Variants in MBD5 observed in about 807,000 individuals in gnomAD.
The protein encoded by MBD5 is methyl-CpG binding domain protein 5.
A neutral mutation model predicts 117.3 loss-of-function variants in MBD5; 13 were observed. The observed-to-expected ratio is 0.11, with a 90% CI of 0.07 to 0.18. The LOEUF is 0.18. Ranked by LOEUF, MBD5 falls within the 10% of genes least tolerant of loss-of-function variation. The probability of loss-of-function intolerance (pLI) is 1.00; values close to 1 mark genes in which losing one functional copy is unlikely to be tolerated. For synonymous variants in MBD5, 727 were observed against 766.4 expected, an observed-to-expected ratio of 0.95 and a Z score of 0.85; for missense variants, 1,879 against 2,093.8, an observed-to-expected ratio of 0.90 and a Z score of 2.00.
At chr2:148,442,835 G>A (rs552453514) in intron 4 of MBD5, among the ~76,000 whole-genome samples, 1 of 151,258 alleles carries the variant, frequency 6.6e-6, no homozygotes, top group African/African-American at 2.5e-5. Flanking sequence ...GGACATTGGA[G>A]TGGGCAAAAA....
chr2:148,470,852 A>C (rs1559088461), intron 8 of MBD5: 1 of 199,982 alleles, frequency 5.0e-6, no homozygotes, highest in East Asian at 1.2e-4. Context: ...TATTCAGGTA[A>C]ATGAAGTTTA....
intron 4 of MBD5, among the ~76,000 whole-genome samples, chr2:148,438,126 T>C (rs1194058173): frequency 6.6e-6 from 1 of 152,228 alleles, no homozygotes; most frequent in Non-Finnish European, 1.5e-5. Flanking sequence ...TTACATATTT[T>C]GTACATCCAG....
intron 1 of MBD5, among the ~76,000 whole-genome samples, chr2:148,115,804 T>A (rs536936967): frequency 1.3e-5 from 2 of 152,306 alleles, no homozygotes; most frequent in East Asian, 3.9e-4. Context: ...TAAAATATCT[T>A]TCTGTATTCT....
At chr2:148,461,294 G>C (rs1048224409) in intron 5 of MBD5, among the ~76,000 whole-genome samples, 4 of 151,924 alleles carry the variant, frequency 2.6e-5, no homozygotes, top group Non-Finnish European at 5.9e-5. Flanking sequence ...CCCTGCAGTG[G>C]TTGAACTCGT....
intron 4 of MBD5, among the ~76,000 whole-genome samples, chr2:148,435,149 G>T (rs1706117099): frequency 2.6e-5 from 4 of 152,066 alleles, no homozygotes. Context: ...TTGAGCCCAT[G>T]GGTATCACTG....
At chr2:148,134,201 A>G (rs1020328360) in intron 1 of MBD5, among the ~76,000 whole-genome samples, 2 of 145,190 alleles carry the variant, frequency 1.4e-5, no homozygotes, top group African/African-American at 5.2e-5. Context: ...TAGATGATTG[A>G]TAGATAGATG....
In MBD5 at chr2:148,513,835, A is replaced by T. The variant is rs1682284232; in HGVS notation, c.*894A>T. Reference sequence around the variant, plus strand: ...AGCCACCTGTTGAAGCAGATAGCTTATACTGACTGCACCACCGCTGGTGCT... The same window carrying T: ...AGCCACCTGTTGAAGCAGATAGCTTTTACTGACTGCACCACCGCTGGTGCT... On this transcript the variant is annotated 3_prime_UTR_variant, in exon 14 of 14. Transcript: ENST00000642680. 6.6e-6 allele frequency: 1 copy of T among 152,246 alleles called. No individual in the cohort carries two copies. The highest frequency in any genetic ancestry group is 2.1e-4 in the South Asian group (1 of 4,834). The allele number at this position is 152,246 out of a possible 1,614,324, so 9.4% of individuals were successfully genotyped here. A position where few individuals can be genotyped will look rare whatever the true frequency, so the allele number is the denominator to read the frequency against.
intron 13 of MBD5, among the ~76,000 whole-genome samples, chr2:148,512,472 GTAAT>G (rs1357103506): frequency 6.6e-6 from 1 of 152,228 alleles, no homozygotes; most frequent in African/African-American, 2.4e-5. Context: ...TGTTTGGTGT[GTAAT>G]TATTCATTCT....
chr2:148,155,713 C>T (rs890258746), intron 1 of MBD5, among the ~76,000 whole-genome samples: 5 of 152,124 alleles, frequency 3.3e-5, no homozygotes, highest in Admixed American at 6.6e-5. Context: ...TGTTCTAGGT[C>T]CTGTGCTAGA....
intron 4 of MBD5, among the ~76,000 whole-genome samples, chr2:148,425,358 G>C (rs1235058224): frequency 6.6e-6 from 1 of 152,118 alleles, no homozygotes; most frequent in Non-Finnish European, 1.5e-5. Flanking sequence ...TCCCTGAATA[G>C]ACCAATAACA....
chr2:148,451,459 C>A (rs1706726001), intron 4 of MBD5, among the ~76,000 whole-genome samples: 1 of 151,932 alleles, frequency 6.6e-6, no homozygotes. Context: ...GAGGGATTGA[C>A]TAGGTACTGT....
intron 8 of MBD5, among the ~76,000 whole-genome samples, chr2:148,473,293 A>G (rs1183590794): frequency 6.6e-6 from 1 of 152,104 alleles, no homozygotes. Flanking sequence ...CCTTTCTTTT[A>G]ATTAATTATC....
chr2:148,242,832 C>T (rs975486808), intron 3 of MBD5, among the ~76,000 whole-genome samples: 1 of 152,124 alleles, frequency 6.6e-6, no homozygotes, highest in African/African-American at 2.4e-5. Context: ...CGTGTCTGTC[C>T]TGCCTATTAG....
At chr2:148,445,927 T>C (rs1706494149) in intron 4 of MBD5, among the ~76,000 whole-genome samples, 1 of 151,428 alleles carries the variant, frequency 6.6e-6, no homozygotes, top group Non-Finnish European at 1.5e-5. Flanking sequence ...GCTGCATAAA[T>C]GTGTTCTTTT....
chr2:148,462,449 T>A (rs1574451585), intron 5 of MBD5, 133 bp from the exon 6 acceptor site: 3 of 674,234 alleles, frequency 4.4e-6, no homozygotes, highest in Non-Finnish European at 8.0e-6. Flanking sequence ...TAACATAATA[T>A]TGACAAAGAA....
chr2:148,140,299 T>C (rs10195846), intron 1 of MBD5, among the ~76,000 whole-genome samples: 5 of 152,206 alleles, frequency 3.3e-5, no homozygotes, highest in African/African-American at 1.2e-4. Flanking sequence ...TGTAACTAAA[T>C]TGAAAGCACC....
intron 4 of MBD5, among the ~76,000 whole-genome samples, chr2:148,431,635 A>C (rs543901174): frequency 6.6e-6 from 1 of 152,104 alleles, no homozygotes; most frequent in South Asian, 2.1e-4. Context: ...GAGAACATGT[A>C]GCATTTGGTT....
Position 148,271,662 on chromosome 2 carries a change from T to A in MBD5, c.-680+38267T>A, listed in dbSNP as rs191261842. On this transcript the variant is annotated intron_variant, in intron 3 of 13. Coordinates refer to ENST00000642680, the MANE Select transcript of MBD5 (RefSeq NM_001378120.1). The stretch of plus-strand genomic sequence containing the variant: ...TTGATATTTCCACTCTGCCTTTTAT[T>A]ATTTCTACTTTTTTAATTGACAAAA... Among the ~76,000 whole-genome samples, 297 of 152,270 alleles carry A rather than the reference T, an allele frequency of 2.0e-3. 1 individual carries two copies. Among genetic ancestry groups the A allele is most frequent in the African/African-American group, 6.7e-3 (279 of 41,550 alleles).
intron 4 of MBD5, among the ~76,000 whole-genome samples, chr2:148,398,000 T>C (rs2105056269): frequency 6.6e-6 from 1 of 152,364 alleles, no homozygotes; most frequent in East Asian, 1.9e-4. Context: ...TTTTTATGGA[T>C]ACATAGTATT....
Sources: gnomAD v4.1 joint callset for allele counts (sites outside exome capture counted in the v4.1 genomes callset) on GRCh38, gnomAD v4.1.1 for gene constraint, MANE v1.5 for transcripts, NCBI Gene and HGNC (gene_info 2026-07-23, HGNC 2026-07-21) for gene names.